EPHA7: variants seen among roughly 807,000 people sequenced by gnomAD.
EPHA7 encodes the protein EPH receptor A7.
A neutral mutation model predicts 112.6 loss-of-function variants in EPHA7; 25 were observed. That is an observed-to-expected ratio of 0.22 (90% confidence interval 0.16 to 0.31). The LOEUF (loss-of-function observed/expected upper bound fraction) is 0.31, where lower values mean the gene tolerates loss of function less well. EPHA7 is among the 10% of genes least tolerant of loss of function. The pLI is 1.00. For synonymous variants in EPHA7, 437 were observed against 406.5 expected (o/e 1.07, Z -0.90); for missense variants, 962 against 1,212.6 (o/e 0.79, Z 3.07).
chr6:93,310,300 T>G (rs1773463611), intron 5 of EPHA7, among the ~76,000 whole-genome samples: 1 of 152,150 alleles, frequency 6.6e-6, no homozygotes, highest in Admixed American at 6.6e-5. Context: ...AAATAAGCAA[T>G]GGAAAAATCC....
At chr6:93,257,961 T>C in intron 11 of EPHA7, 138 bp downstream of exon 11, 1 of 783,918 alleles carries the variant, frequency 1.3e-6, no homozygotes, top group Non-Finnish European at 1.9e-6. Flanking sequence ...GAAGAATTTT[T>C]TGATTAGTTA....
At chr6:93,298,500 T>C (rs1243102624) in intron 5 of EPHA7, among the ~76,000 whole-genome samples, 1 of 152,168 alleles carries the variant, frequency 6.6e-6, no homozygotes, top group African/African-American at 2.4e-5. Context: ...TATACATATA[T>C]GAACTGATAT....
chr6:93,356,704 A>T lies in EPHA7; in HGVS notation c.1324+13T>A, dbSNP rs755106636. ...ACATTATTTCATTCAGTGAAGATAA[A>T]CACAAAACATACCTGCTTGACCAGT... is the stretch of plus-strand genomic sequence containing the variant. On this transcript the variant is annotated intron_variant, in intron 5 of 16. Coordinates refer to ENST00000369303, the MANE Select transcript of EPHA7 (RefSeq NM_004440.4). 1.3e-6 allele frequency: 2 copies of T among 1,593,428 alleles called. No homozygotes were observed. The highest frequency in any genetic ancestry group is 3.4e-5 in the Admixed American group (2 of 58,248).
At chr6:93,386,784 C>T (rs1210073883) in intron 3 of EPHA7, among the ~76,000 whole-genome samples, 3 of 152,172 alleles carry the variant, frequency 2.0e-5, no homozygotes, top group Admixed American at 6.5e-5. Flanking sequence ...GCAGGACCAA[C>T]ACCACATGGA....
intron 1 of EPHA7, among the ~76,000 whole-genome samples, chr6:93,415,032 G>A (rs1779158669): frequency 6.6e-6 from 1 of 151,850 alleles, no homozygotes; most frequent in African/African-American, 2.4e-5. Flanking sequence ...TAGAATGAGG[G>A]TAGAAATTTT....
intron 13 of EPHA7, among the ~76,000 whole-genome samples, chr6:93,255,366 C>G (rs1396339809): frequency 6.6e-6 from 1 of 151,544 alleles, no homozygotes; most frequent in Non-Finnish European, 1.5e-5. Flanking sequence ...ACAACAACAA[C>G]AACAGCCACA....
At chr6:93,361,742 G>A (rs912824692) in intron 3 of EPHA7, among the ~76,000 whole-genome samples, 9 of 151,916 alleles carry the variant, frequency 5.9e-5, no homozygotes, top group African/African-American at 2.2e-4. Context: ...AACATTCTAG[G>A]AATTGTGCAA....
intron 5 of EPHA7, among the ~76,000 whole-genome samples, chr6:93,339,053 A>G (rs923630231): frequency 1.3e-5 from 2 of 151,190 alleles, no homozygotes; most frequent in African/African-American, 2.4e-5. Flanking sequence ...ACAATTTCTC[A>G]AAGTGTACAG....
chr6:93,245,817 C>T (rs1464955101), intron 15 of EPHA7, among the ~76,000 whole-genome samples: 1 of 152,144 alleles, frequency 6.6e-6, no homozygotes, highest in African/African-American at 2.4e-5. Context: ...CACGAGGGTG[C>T]TGTAGAGATA....
intron 5 of EPHA7, among the ~76,000 whole-genome samples, chr6:93,301,682 G>A (rs193200387): frequency 8.5e-5 from 13 of 152,132 alleles, no homozygotes; most frequent in African/African-American, 2.9e-4. Context: ...AGGAGCCAAA[G>A]TTCTATGTAA....
At position 93,246,963 on chromosome 6, in the gene EPHA7, C is replaced by G. The variant is rs1287261842; in HGVS notation, c.2555G>C (p.Gly852Ala). The G allele has an allele frequency of 6.3e-7, 1 of 1,596,354 alleles. No homozygotes were observed. Among genetic ancestry groups the G allele is most frequent in the Non-Finnish European group, 8.6e-7 (1 of 1,166,224 alleles). The change falls in exon 15 of 17, where the codon GGT (glycine) becomes GCT (alanine). Residue 852 changes from glycine (G) to alanine (A), a missense_variant. Coordinates refer to ENST00000369303, the MANE Select transcript of EPHA7 (RefSeq NM_004440.4). ...GTCCATGGGTGCTGGTAAACGATAA[C>G]CTTCTTCTATTGCTTTTATAACCTA... Reference protein sequence around the residue: ...NQDVIKAIEEGYRLPAPMDCP... With the variant: ...NQDVIKAIEEAYRLPAPMDCP...
intron 5 of EPHA7, among the ~76,000 whole-genome samples, chr6:93,343,457 A>G (rs958598740): frequency 1.3e-5 from 2 of 151,780 alleles, no homozygotes; most frequent in Non-Finnish European, 2.9e-5. Flanking sequence ...TTGAAGTGCT[A>G]TAAATTTAAG....
chr6:93,398,616 G>A (rs1270422205), intron 3 of EPHA7, among the ~76,000 whole-genome samples: 1 of 151,944 alleles, frequency 6.6e-6, no homozygotes, highest in Non-Finnish European at 1.5e-5. Context: ...AGATGGAACA[G>A]GGATTGAAAA....
chr6:93,357,747 A>G (rs907086029), intron 4 of EPHA7, among the ~76,000 whole-genome samples: 2 of 150,580 alleles, frequency 1.3e-5, no homozygotes, highest in African/African-American at 4.9e-5. Flanking sequence ...TCCGCCTCCC[A>G]GGTTCAAGTG....
rs116699871 is a variant in EPHA7, at chr6:93,248,600, C to T, written c.2533-1615G>A. Among the ~76,000 whole-genome samples the T allele has an allele frequency of 7.8e-3, 1,188 of 152,140 alleles. 15 individuals are homozygous for T. Among genetic ancestry groups the T allele is most frequent in the African/African-American group, 0.027 (1,119 of 41,492 alleles). ...CCCAATCCTTTACTATTTCAACTAA[C>T]GGCACATCCAGTCCCAGTCAGAAAG... On this transcript the variant is annotated intron_variant, in intron 14 of 16. Transcript: ENST00000369303.
intron 3 of EPHA7, among the ~76,000 whole-genome samples, chr6:93,389,014 T>C (rs1312934528): frequency 6.6e-6 from 1 of 151,956 alleles, no homozygotes; most frequent in African/African-American, 2.4e-5. Flanking sequence ...CTCTGTAAGA[T>C]AGATAAGACA....
intron 3 of EPHA7, among the ~76,000 whole-genome samples, chr6:93,401,221 C>T (rs1017945489): frequency 1.3e-5 from 2 of 152,008 alleles, no homozygotes; most frequent in African/African-American, 4.8e-5. Context: ...GACTAAATAA[C>T]ATGAAAAAAT....
At chr6:93,346,029 T>C (rs756850951) in intron 5 of EPHA7, among the ~76,000 whole-genome samples, 1 of 151,694 alleles carries the variant, frequency 6.6e-6, no homozygotes, top group Non-Finnish European at 1.5e-5. Context: ...TCTCCTATCT[T>C]TCACCTACAT....
At chr6:93,300,040 G>A (rs1168731985) in intron 5 of EPHA7, among the ~76,000 whole-genome samples, 2 of 152,094 alleles carry the variant, frequency 1.3e-5, no homozygotes, top group Non-Finnish European at 2.9e-5. Flanking sequence ...CTTAGTATCT[G>A]GGTGATGAAA....
Sources: gnomAD v4.1 joint callset for allele counts (sites outside exome capture counted in the v4.1 genomes callset) on GRCh38, gnomAD v4.1.1 for gene constraint, MANE v1.5 for transcripts, NCBI Gene and HGNC (gene_info 2026-07-23, HGNC 2026-07-21) for gene names.